The following PKD1L3 variants were observed in gnomAD, a reference collection of about 807,000 sequenced individuals.
PKD1L3 encodes polycystin 1 like 3, transient receptor potential channel interacting, also known as polycystin-1-like protein 3.
A neutral mutation model predicts 184.1 loss-of-function variants in PKD1L3; 239 were observed. The observed-to-expected ratio is 1.30, with a 90% CI of 1.17 to 1.45. PKD1L3 has a LOEUF of 1.45. PKD1L3 is among the 40% of genes most tolerant of loss of function. The pLI is 0.00. For synonymous variants in PKD1L3, 996 were observed against 778.8 expected (o/e 1.28, Z -4.64); for missense variants, 2,660 against 2,067.2 (o/e 1.29, Z -5.56).
At chr16:71,981,979 G>T in intron 7 of PKD1L3, 80 bp downstream of exon 7, 1 of 1,345,386 alleles carries the variant, frequency 7.4e-7, no homozygotes, top group Non-Finnish European at 9.9e-7. Context: ...TAAAGGTCTG[G>T]GGAGAGGCTG....
At chr16:71,978,170 A>C (rs1161951075) in intron 10 of PKD1L3, 85 bp downstream of exon 10, 24 of 1,417,916 alleles carry the variant, frequency 1.7e-5, no homozygotes. Context: ...ATCTAACATA[A>C]TTCCCTTTAA....
In PKD1L3 at chr16:71,973,229, T is replaced by C. The variant is rs1029538605; in HGVS notation, c.1953+95A>G. The C allele has an allele frequency of 6.5e-6, 9 of 1,374,840 alleles. No homozygotes were observed. In the Admixed American group the frequency reaches 9.3e-5, roughly 14 times the overall value. The allele number at this position is 1,374,840 out of a possible 1,614,324, so 85.2% of individuals were successfully genotyped here. On this transcript the variant is annotated intron_variant, in intron 12 of 29. Coordinates refer to ENST00000620267, the MANE Select transcript of PKD1L3 (RefSeq NM_181536.2). Reference sequence around the variant, plus strand: ...GTTATTTCAAACCACCTGATTATTTTTCTTTCTGGGCTGCCCCAAATGAGA... The same window carrying C: ...GTTATTTCAAACCACCTGATTATTTCTCTTTCTGGGCTGCCCCAAATGAGA...
rs1282103091 is a variant in PKD1L3 at position 71,978,535 on chromosome 16, A to T, written c.1399-152T>A. Among the ~76,000 whole-genome samples the T allele has an allele frequency of 7.6e-3, 789 of 103,348 alleles. 11 individuals are homozygous for T. The highest frequency in any genetic ancestry group is 0.034 in the African/African-American group (722 of 21,386). The allele number at this position is 103,348 out of a possible 152,430, so 67.8% of individuals were successfully genotyped here. A position where few individuals can be genotyped will look rare whatever the true frequency, so the allele number is the denominator to read the frequency against. On this transcript the variant is annotated intron_variant, in intron 9 of 29. Coordinates refer to ENST00000620267, the MANE Select transcript of PKD1L3 (RefSeq NM_181536.2). ...TATATATATATACATACATACATAC[A>T]TACATACTTTTTTTTTTTTTTTGAG...
chr16:71,973,950 C>T (rs7203420), intron 11 of PKD1L3, among the ~76,000 whole-genome samples: 83,469 of 150,676 alleles, frequency 0.55, 23,708 homozygotes, highest in African/African-American at 0.67. Flanking sequence ...TGCAGTGAGC[C>T]GAAATCGCAC....
At chr16:71,996,903 T>C (rs921749264) in intron 2 of PKD1L3, among the ~76,000 whole-genome samples, 3 of 151,528 alleles carry the variant, frequency 2.0e-5, no homozygotes, top group Non-Finnish European at 4.4e-5. Context: ...TGCTGGTAGG[T>C]GGGTAGATTT....
At chr16:71,968,798 G>C (rs1218252403) in intron 13 of PKD1L3, among the ~76,000 whole-genome samples, 1 of 152,126 alleles carries the variant, frequency 6.6e-6, no homozygotes, top group Non-Finnish European at 1.5e-5. Context: ...GTTTCACCAT[G>C]TTGGCCAGGC....
Position 71,999,874 on chromosome 16 carries a change from G to T in PKD1L3, c.105C>A (p.Tyr35Ter). 1.3e-6 allele frequency: 2 copies of T among 1,551,720 alleles called. No homozygotes were observed. Among genetic ancestry groups the T allele is most frequent in the South Asian group, 1.2e-5 (1 of 84,058 alleles). The change falls in exon 1 of 30, where the codon TAC (tyrosine) becomes TAA (stop). Residue 35 changes from tyrosine (Y) to a stop codon, truncating the protein, a stop_gained. Coordinates refer to ENST00000620267, the MANE Select transcript of PKD1L3 (RefSeq NM_181536.2). LOFTEE classifies it high-confidence loss of function. ...SPAPHGQNNC[Y>*]QLNRFQCSFE... ...AGCTGCATTGAAATCTGTTAAGCTG[G>T]TAACAATTATTTTGCCCATGTGGTG...
intron 29 of PKD1L3, 67 bp downstream of exon 29, chr16:71,929,985 A>AG: frequency 6.9e-7 from 1 of 1,457,758 alleles, no homozygotes; most frequent in Non-Finnish European, 9.2e-7. Context: ...CCGTCATCTT[A>AG]GGGGCAGTTA....
intron 15 of PKD1L3, among the ~76,000 whole-genome samples, chr16:71,963,804 G>A (rs1311887084): frequency 1.3e-5 from 2 of 151,988 alleles, no homozygotes; most frequent in African/African-American, 2.4e-5. Context: ...AGAAAAGAGA[G>A]TAGATCTTAT....
chr16:71,967,327 CA>C lies in PKD1L3; in HGVS notation c.2287-13del. 6.5e-7 allele frequency: 1 copy of C among 1,543,740 alleles called. No homozygotes were observed. On this transcript the variant is annotated splice_polypyrimidine_tract_variant and intron_variant, in intron 14 of 29. Transcript: ENST00000620267. ...AGGGTGATGACAACCTACAATGAGACAGGGAAAGATAAAATATAAGGAATTT... is the reference window on the plus strand; with the variant it reads ...AGGGTGATGACAACCTACAATGAGACGGGAAAGATAAAATATAAGGAATTT...
chr16:71,975,317 C>G (rs2039878766), intron 11 of PKD1L3, among the ~76,000 whole-genome samples: 1 of 151,506 alleles, frequency 6.6e-6, no homozygotes, highest in Non-Finnish European at 1.5e-5. Context: ...CTTGGCCTCT[C>G]AAAGTGCTGG....
intron 24 of PKD1L3, among the ~76,000 whole-genome samples, chr16:71,940,110 C>A (rs897888257): frequency 3.3e-5 from 4 of 120,426 alleles, no homozygotes; most frequent in South Asian, 3.4e-4. Flanking sequence ...ATAGCATCAA[C>A]TGAAAGTCAA....
chr16:71,985,616 A>G (rs1327311836), intron 5 of PKD1L3, among the ~76,000 whole-genome samples: 4 of 152,138 alleles, frequency 2.6e-5, no homozygotes, highest in African/African-American at 9.7e-5. Flanking sequence ...TTGAAGTTTA[A>G]TAGAGAAAAG....
At chr16:71,945,372 A>ACT (rs1333051091) in intron 22 of PKD1L3, among the ~76,000 whole-genome samples, 1 of 56,524 alleles carries the variant, frequency 1.8e-5, no homozygotes, top group Admixed American at 1.8e-4. Flanking sequence ...ATATACACAC[A>ACT]CGCACACACA....
At chr16:71,948,800 T>G (rs371942550) in intron 21 of PKD1L3, among the ~76,000 whole-genome samples, 1 of 12,294 alleles carries the variant, frequency 8.1e-5, no homozygotes, top group African/African-American at 2.1e-4. Flanking sequence ...AACTTACATA[T>G]AGTAAAAAAA....
At chr16:71,946,047 C>T (rs933825203) in intron 22 of PKD1L3, among the ~76,000 whole-genome samples, 7 of 152,188 alleles carry the variant, frequency 4.6e-5, no homozygotes, top group African/African-American at 1.7e-4. Flanking sequence ...CAACCTCCGC[C>T]TCCCAGGTTC....
At chr16:71,967,860 G>A in intron 14 of PKD1L3, 46 bp downstream of exon 14, 1 of 1,457,732 alleles carries the variant, frequency 6.9e-7, no homozygotes, top group Non-Finnish European at 9.4e-7. Flanking sequence ...TGTGTCTCAT[G>A]TGGCAGAAGA....
At chr16:71,961,019 A>G (rs1039297776) in intron 16 of PKD1L3, among the ~76,000 whole-genome samples, 1 of 152,122 alleles carries the variant, frequency 6.6e-6, no homozygotes, top group Non-Finnish European at 1.5e-5. Flanking sequence ...CAAGCAACAC[A>G]CAATTTAAAA....
Position 71,982,110 on chromosome 16 carries a change from G to A in PKD1L3, c.1092C>T (p.Val364=), listed in dbSNP as rs1281710998. ...TVCPFHSLNN[V]TKAGEGSWLE... ...GCCAACTTCCTTCTCCAGCTTTGGTGACATTGTTGAGGGAATGAAAGGGGC... is the reference window on the plus strand; with the variant it reads ...GCCAACTTCCTTCTCCAGCTTTGGTAACATTGTTGAGGGAATGAAAGGGGC... Residue 364 remains valine (V), a synonymous_variant, in exon 7 of 30, where the codon GTC becomes GTT. Coordinates refer to ENST00000620267, the MANE Select transcript of PKD1L3 (RefSeq NM_181536.2). The A allele has an allele frequency of 7.1e-6, 11 of 1,551,416 alleles. No individual in the cohort carries two copies. Among genetic ancestry groups the A allele is most frequent in the Non-Finnish European group, 9.6e-6 (11 of 1,146,924 alleles).
Sources: allele counts gnomAD v4.1 joint callset (sites outside exome capture counted in the v4.1 genomes callset), GRCh38; gene constraint gnomAD v4.1.1; transcripts MANE v1.5; gene names NCBI Gene and HGNC (gene_info 2026-07-23, HGNC 2026-07-21).